TRAT1: variants seen among roughly 807,000 people sequenced by gnomAD.
TRAT1 encodes T cell receptor associated transmembrane adaptor 1.
Under a neutral mutation model 20.0 loss-of-function variants are expected in TRAT1, and 20 were observed. The ratio of observed to expected loss-of-function variants is 1.00; its 90% CI spans 0.70 to 1.45. TRAT1 has a LOEUF of 1.45. TRAT1 is among the 40% of genes most tolerant of loss of function. TRAT1 has a pLI of 0.00. For synonymous variants in TRAT1, 77 were observed against 74.2 expected, an observed-to-expected ratio of 1.04 and a Z score of -0.20; for missense variants, 237 against 224.1, an observed-to-expected ratio of 1.06 and a Z score of -0.37.
At chr3:108,826,722 CAG>C (rs1165122682) in intron 1 of TRAT1, among the ~76,000 whole-genome samples, 6 of 152,118 alleles carry the variant, frequency 3.9e-5, no homozygotes, top group Admixed American at 3.9e-4. Flanking sequence ...ATTGCTCTGA[CAG>C]AGTTTACAAG....
At chr3:108,828,919 A>G (rs1945766521) in intron 1 of TRAT1, among the ~76,000 whole-genome samples, 1 of 152,204 alleles carries the variant, frequency 6.6e-6, no homozygotes, top group Non-Finnish European at 1.5e-5. Flanking sequence ...ATCAAAGTCT[A>G]TTTTACTTCC....
At chr3:108,840,331 A>C (rs990377444) in intron 3 of TRAT1, among the ~76,000 whole-genome samples, 1 of 152,186 alleles carries the variant, frequency 6.6e-6, no homozygotes, top group African/African-American at 2.4e-5. Flanking sequence ...CTATATAATC[A>C]CACAGTAAGA....
In TRAT1 at chr3:108,853,966, C is replaced by A. The variant is rs1414814455; in HGVS notation, c.*89C>A. On this transcript the variant is annotated 3_prime_UTR_variant, in exon 6 of 6. Transcript: ENST00000295756. Reference sequence around the variant, plus strand: ...GCACAGAGGACACAGAAGGACTTGGCAGCAGGGTGATGACCTGATCATTTG... The same window carrying A: ...GCACAGAGGACACAGAAGGACTTGGAAGCAGGGTGATGACCTGATCATTTG... 1 of 1,313,622 alleles carries A rather than the reference C, an allele frequency of 7.6e-7. No homozygotes were observed. The highest frequency in any genetic ancestry group is 1.1e-6 in the Non-Finnish European group (1 of 929,126). 81.4% of individuals were successfully genotyped at this position (1,313,622 alleles called of 1,614,324 possible).
In TRAT1 at chr3:108,853,620, G is replaced by C; in HGVS notation, c.304G>C (p.Ala102Pro). The change falls in exon 6 of 6, where the codon GCA (alanine) becomes CCA (proline). Residue 102 changes from alanine (A) to proline (P), a missense_variant and splice_region_variant. By Grantham distance (27) the Ala-to-Pro change is conservative (BLOSUM62 -1). Transcript: ENST00000295756. ...KMQEATPSAQ[A>P]TNETQMCYAS... is the part of the protein sequence containing the mutation. The stretch of plus-strand genomic sequence containing the variant: ...AAAAATTAACATCCCTTTCTTTTAG[G>C]CAACCAATGAAACACAGATGTGCTA... The C allele has an allele frequency of 6.2e-7, 1 of 1,610,288 alleles. No homozygotes were observed. The highest frequency in any genetic ancestry group is 8.5e-7 in the Non-Finnish European group (1 of 1,177,584).
intron 5 of TRAT1, among the ~76,000 whole-genome samples, chr3:108,851,748 A>T (rs1284178686): frequency 1.3e-5 from 2 of 152,020 alleles, no homozygotes; most frequent in Non-Finnish European, 2.9e-5. Context: ...TACCCTGGCT[A>T]TGTGTTTTCC....
chr3:108,852,611 T>C (rs1357297892), intron 5 of TRAT1, among the ~76,000 whole-genome samples: 2 of 152,238 alleles, frequency 1.3e-5, no homozygotes, highest in African/African-American at 4.8e-5. Context: ...TAAAGAGTAA[T>C]GCTTAATACA....
intron 2 of TRAT1, among the ~76,000 whole-genome samples, chr3:108,838,519 A>T (rs1042280226): frequency 6.6e-6 from 1 of 152,168 alleles, no homozygotes; most frequent in African/African-American, 2.4e-5. Context: ...GAGGTGTTTC[A>T]TGGAACCCAA....
At position 108,838,310 on chromosome 3, in the gene TRAT1, T is replaced by C. The variant is rs144480170; in HGVS notation, c.119-624T>C. Among the ~76,000 whole-genome samples the C allele has an allele frequency of 2.7e-3, 401 of 148,028 alleles. 1 individual carries two copies. Among genetic ancestry groups the C allele is most frequent in the Non-Finnish European group, 4.7e-3 (319 of 67,654 alleles). ...TTATGTTGTTACTCATGCCAAGAAA[T>C]GTTAAAAGTAGATAGATAGATAGAT... On this transcript the variant is annotated intron_variant, in intron 2 of 5. Coordinates refer to ENST00000295756, the MANE Select transcript of TRAT1 (RefSeq NM_016388.4).
intron 3 of TRAT1, chr3:108,839,375 T>C (rs1489141121): frequency 6.4e-6 from 1 of 156,306 alleles, no homozygotes; most frequent in Non-Finnish European, 1.4e-5. Flanking sequence ...GGTTCATGCC[T>C]GTAATCCCAG....
intron 5 of TRAT1, among the ~76,000 whole-genome samples, chr3:108,852,397 GCACACA>G (rs10575104): frequency 1.2e-4 from 18 of 148,160 alleles, no homozygotes; most frequent in African/African-American, 3.5e-4. Context: ...ACACACGCAT[GCACACA>G]CACACACACA....
intron 2 of TRAT1, among the ~76,000 whole-genome samples, chr3:108,835,493 GC>G (rs1945830619): frequency 6.6e-6 from 1 of 152,176 alleles, no homozygotes; most frequent in African/African-American, 2.4e-5. Context: ...GAGCTTGCTG[GC>G]TTTTATTCTG....
rs761451770 is a variant in TRAT1, at chr3:108,830,811, C to G, written c.118+31C>G. On this transcript the variant is annotated intron_variant, in intron 2 of 5. Transcript: ENST00000295756. ...ACATTTTGACAAATTTCACATGGTA[C>G]CTGCTTGAATGGAGACTATGGAGTC... 5.6e-6 allele frequency: 8 copies of G among 1,430,928 alleles called. No homozygotes were observed. In the South Asian group the frequency reaches 9.2e-5, roughly 16 times the overall value. 88.6% of individuals were successfully genotyped at this position (1,430,928 alleles called of 1,614,324 possible). A position where few individuals can be genotyped will look rare whatever the true frequency, so the allele number is the denominator to read the frequency against.
At position 108,841,380 on chromosome 3, in the gene TRAT1, G is replaced by A. The variant is rs1373835356; in HGVS notation, c.152+2413G>A. Among the ~76,000 whole-genome samples, 4 of 152,100 alleles carry A rather than the reference G, an allele frequency of 2.6e-5. No individual in the cohort carries two copies. In the East Asian group the frequency reaches 7.7e-4, roughly 29 times the overall value. On this transcript the variant is annotated intron_variant, in intron 3 of 5. Coordinates refer to ENST00000295756, the MANE Select transcript of TRAT1 (RefSeq NM_016388.4). ...TATTTCTCTTGCTTATGTGGTTTGG[G>A]AACAAAAATCTCTTTTGTAAAGGGG...
intron 3 of TRAT1, among the ~76,000 whole-genome samples, chr3:108,840,559 A>G (rs62266464): frequency 6.7e-6 from 1 of 150,370 alleles, no homozygotes; most frequent in South Asian, 2.1e-4. Flanking sequence ...AAAAGCTTTT[A>G]TAACATTTAT....
At position 108,853,627 on chromosome 3, in the gene TRAT1, A is replaced by G. The variant is rs780922772; in HGVS notation, c.311A>G (p.Asn104Ser). The change falls in exon 6 of 6, where the codon AAT (asparagine) becomes AGT (serine). Residue 104 changes from asparagine (N) to serine (S), a missense_variant. Transcript: ENST00000295756. ...AACATCCCTTTCTTTTAGGCAACCA[A>G]TGAAACACAGATGTGCTACGCCTCA... ...QEATPSAQAT[N>S]ETQMCYASLD... 10 of 1,612,800 alleles carry G rather than the reference A, an allele frequency of 6.2e-6. No individual in the cohort carries two copies. The highest frequency in any genetic ancestry group is 2.2e-5 in the East Asian group (1 of 44,860).
intron 5 of TRAT1, among the ~76,000 whole-genome samples, chr3:108,852,202 G>A (rs2715731): frequency 0.042 from 6,465 of 152,184 alleles, 435 homozygotes; most frequent in African/African-American, 0.14. Flanking sequence ...CCAACATGGC[G>A]AAACTCCGTC....
intron 3 of TRAT1, 98 bp from the exon 4 acceptor site, chr3:108,846,970 G>T: frequency 1.2e-6 from 1 of 859,856 alleles, no homozygotes; most frequent in Non-Finnish European, 1.9e-6. Context: ...ACCAAGAATA[G>T]GCAATAGTTC....
At chr3:108,853,500 C>CA (rs779902453) in intron 5 of TRAT1, 120 bp from the exon 6 acceptor site, 141 of 1,254,392 alleles carry the variant, frequency 1.1e-4, no homozygotes, top group Admixed American at 1.6e-4. Context: ...ACAAATTTGG[C>CA]AAAACAAGGT....
intron 1 of TRAT1, 104 bp downstream of exon 1, chr3:108,823,038 T>C: frequency 1.0e-6 from 1 of 1,001,632 alleles, no homozygotes. Flanking sequence ...GTAGTTATTT[T>C]AAAAATGTTG....
Sources: gnomAD v4.1 joint callset for allele counts (sites outside exome capture counted in the v4.1 genomes callset) on GRCh38, gnomAD v4.1.1 for gene constraint, MANE v1.5 for transcripts, NCBI Gene and HGNC (gene_info 2026-07-23, HGNC 2026-07-21) for gene names.